ZNF454: variants seen among roughly 807,000 people sequenced by gnomAD.
ZNF454 encodes zinc finger protein 454.
ZNF454 carries 30 observed loss-of-function variants against 48.2 expected under a neutral mutation model. The observed-to-expected ratio is 0.62, with a 90% CI of 0.47 to 0.84. ZNF454 has a LOEUF of 0.84. Among genes scored for constraint, ZNF454 ranks in the 40% least tolerant of loss-of-function variants. ZNF454 has a pLI of 0.00. For missense variants in ZNF454, 510 were observed against 623.1 expected (o/e 0.82, Z 1.93); for synonymous variants, 204 against 211.4 (o/e 0.97, Z 0.30).
the ZNF454 span, chr5:178,985,355 T>TA: frequency 1.7e-5 from 7 of 422,534 alleles, no homozygotes; most frequent in Non-Finnish European, 3.3e-5. Context: ...ATGGCGGCCC[T>TA]AACTGAGCTG....
the ZNF454 span, chr5:178,978,489 A>G: frequency 6.6e-6 from 1 of 152,256 alleles, no homozygotes; most frequent in Non-Finnish European, 1.5e-5. Context: ...CAGAAGATTC[A>G]CACAAGTGAG....
chr5:178,989,220 ACCCTC>A, the ZNF454 span: 2 of 817,266 alleles, frequency 2.4e-6, no homozygotes, highest in Non-Finnish European at 3.6e-6. Flanking sequence ...CACCCTCACC[ACCCTC>A]CCCACCCTCC....
chr5:178,984,317 C>T, the ZNF454 span, among the ~76,000 whole-genome samples: 2 of 152,018 alleles, frequency 1.3e-5, no homozygotes, highest in Non-Finnish European at 2.9e-5. Flanking sequence ...CGGACTCCTG[C>T]AAAATAACAG....
chr5:178,989,406 C>T, the ZNF454 span: 1 of 1,614,096 alleles, frequency 6.2e-7, no homozygotes, highest in South Asian at 1.1e-5. Context: ...TGGTCAAATC[C>T]TACAGACAGG....
chr5:178,985,924 G>A, the ZNF454 span, among the ~76,000 whole-genome samples: 3 of 152,028 alleles, frequency 2.0e-5, no homozygotes, highest in Non-Finnish European at 4.4e-5. Flanking sequence ...ACCATGCCTG[G>A]CTAATTTTCA....
At chr5:178,956,479 A>G (rs779337354) in intron 4 of ZNF454, among the ~76,000 whole-genome samples, 12 of 145,926 alleles carry the variant, frequency 8.2e-5, no homozygotes, top group Non-Finnish European at 1.2e-4. Flanking sequence ...CGCCCCAGGC[A>G]TCTTCCGTCC....
rs1249861552 is a variant in ZNF454 at position 178,941,223 on chromosome 5, A to T, written c.-329A>T. On this transcript the variant is annotated 5_prime_UTR_variant, in exon 1 of 5. Transcript: ENST00000519564. This position sits in a 1 kb window ranked among gnomAD's most constrained non-coding sequence, Gnocchi z 5.5. ...GGCTCCCGGCTGCAGACTCCAGCTC[A>T]TTGTGTTCTGACTGCGATGTGGCGC... 2 of 379,984 alleles carry T rather than the reference A, an allele frequency of 5.3e-6. No individual in the cohort carries two copies. Among genetic ancestry groups the T allele is most frequent in the Admixed American group, 3.1e-5 (1 of 32,558 alleles). 23.5% of individuals were successfully genotyped at this position (379,984 alleles called of 1,614,324 possible). A position where few individuals can be genotyped will look rare whatever the true frequency, so the allele number is the denominator to read the frequency against.
intron 4 of ZNF454, among the ~76,000 whole-genome samples, chr5:178,954,945 T>A (rs937952362): frequency 1.1e-4 from 17 of 152,250 alleles, no homozygotes; most frequent in African/African-American, 3.9e-4. Flanking sequence ...GGTTTGCTCA[T>A]CCATTCATCA....
chr5:178,956,226 T>C (rs948341975), intron 4 of ZNF454, among the ~76,000 whole-genome samples: 2 of 152,222 alleles, frequency 1.3e-5, no homozygotes, highest in Non-Finnish European at 2.9e-5. Context: ...ACAGTTAAAA[T>C]ATCTTACATT....
chr5:178,949,596 T>C (rs572066939), intron 4 of ZNF454, among the ~76,000 whole-genome samples: 2 of 152,190 alleles, frequency 1.3e-5, no homozygotes, highest in Admixed American at 1.3e-4. Context: ...CTCTTATTTC[T>C]GTTTCATTTC....
chr5:178,946,930 A>G lies in ZNF454; in HGVS notation c.194A>G (p.Gln65Arg). The G allele has an allele frequency of 1.9e-6, 3 of 1,614,072 alleles. No individual in the cohort carries two copies. Among genetic ancestry groups the G allele is most frequent in the Non-Finnish European group, 2.5e-6 (3 of 1,179,994 alleles). The change falls in exon 4 of 5, where the codon CAG becomes CGG. Residue 65 changes from glutamine to arginine, a missense_variant. Gln to Arg is a conservative substitution (Grantham distance 43). Coordinates refer to ENST00000519564, the MANE Select transcript of ZNF454 (RefSeq NM_001178089.3). The surrounding 1 kb of genome is among the most constrained non-coding windows in gnomAD (Gnocchi z 4.5). The stretch of plus-strand genomic sequence containing the variant: ...GGACCCAAACCAGATACGTTTTCCC[A>G]GCTAGAAAAAAGGGAAGTGTGGATG... ...LLGPKPDTFS[Q>R]LEKREVWMPE...
At chr5:178,986,857 G>A in the ZNF454 span, 1 of 1,613,976 alleles carries the variant, frequency 6.2e-7, no homozygotes, top group Non-Finnish European at 8.5e-7. Flanking sequence ...GAGGGTCTCT[G>A]CCCACTGGCC....
the ZNF454 span, chr5:178,979,516 C>G: frequency 6.6e-6 from 1 of 152,204 alleles, no homozygotes; most frequent in Non-Finnish European, 1.5e-5. Flanking sequence ...CATCAGAGTT[C>G]CTGCCAGAGA....
the ZNF454 span, chr5:178,985,404 T>TA: frequency 0.14 from 42,691 of 312,930 alleles, 1,205 homozygotes; most frequent in African/African-American, 0.24. Flanking sequence ...CCTGTGGCCT[T>TA]AAAAAAAAAA....
intron 4 of ZNF454, among the ~76,000 whole-genome samples, chr5:178,961,580 C>A (rs1202721677): frequency 2.0e-5 from 3 of 151,462 alleles, no homozygotes; most frequent in Non-Finnish European, 4.4e-5. Flanking sequence ...TTTTGGGAGG[C>A]CAAGGCGGGC....
At chr5:178,964,587 C>T (rs1053226618) in intron 4 of ZNF454, 68 bp from the exon 5 acceptor site, 50 of 1,181,866 alleles carry the variant, frequency 4.2e-5, no homozygotes, top group South Asian at 8.6e-5. Flanking sequence ...TGAAGAGGCT[C>T]GTCATCTTGC....
rs1759834808 is a variant in ZNF454, at chr5:178,957,708, G to A, written c.251-6947G>A. On this transcript the variant is annotated intron_variant, in intron 4 of 4. Transcript: ENST00000519564. ...CCTGAAGTGACCTGGGACCCAGTGA[G>A]TGTGCCTGAGTTGCTCACACCAGAG... is the stretch of plus-strand genomic sequence containing the variant. Among the ~76,000 whole-genome samples, 4 of 152,178 alleles carry A rather than the reference G, an allele frequency of 2.6e-5. No homozygotes were observed. In the South Asian group the frequency reaches 6.2e-4, roughly 24 times the overall value.
At chr5:178,956,305 T>A (rs1239896951) in intron 4 of ZNF454, among the ~76,000 whole-genome samples, 1 of 152,102 alleles carries the variant, frequency 6.6e-6, no homozygotes, top group Non-Finnish European at 1.5e-5. Context: ...GTTTTCTGTT[T>A]GATGATTTTG....
chr5:178,941,300 A>C lies in ZNF454; in HGVS notation c.-252A>C. On this transcript the variant is annotated 5_prime_UTR_variant, in exon 1 of 5. Transcript: ENST00000519564. The surrounding 1 kb of genome is among the most constrained non-coding windows in gnomAD (Gnocchi z 5.5). ...CTCCTCGAAGAGCGACACGGGGCTG[A>C]CCAGGCACGGTGGTCAAAGCCGCAG... is the stretch of plus-strand genomic sequence containing the variant. 4.5e-6 allele frequency: 2 copies of C among 441,888 alleles called. No individual in the cohort carries two copies. The highest frequency in any genetic ancestry group is 9.1e-6 in the Non-Finnish European group (2 of 218,642). 27.4% of individuals were successfully genotyped at this position (441,888 alleles called of 1,614,324 possible).
Sources: allele counts gnomAD v4.1 joint callset (sites outside exome capture counted in the v4.1 genomes callset), GRCh38; gene constraint gnomAD v4.1.1; non-coding constraint Gnocchi (gnomAD v3.1); transcripts MANE v1.5; gene names NCBI Gene and HGNC (gene_info 2026-07-23, HGNC 2026-07-21).